The following GSE1 variants were observed in gnomAD, a reference collection of about 807,000 sequenced individuals.
GSE1 encodes genetic suppressor element 1.
Under a neutral mutation model 112.6 loss-of-function variants are expected in GSE1, and 32 were observed. The observed-to-expected ratio is 0.28, with a 90% CI of 0.21 to 0.38. The LOEUF (loss-of-function observed/expected upper bound fraction) is 0.38. Among genes scored for constraint, GSE1 ranks in the 10% least tolerant of loss-of-function variants. The pLI, the probability that GSE1 is intolerant of heterozygous loss-of-function variation, is 1.00. For synonymous variants in GSE1, 1,115 were observed against 735.6 expected (o/e 1.52, Z -8.35); for missense variants, 2,348 against 1,699.2 (o/e 1.38, Z -6.71).
At chr16:85,362,923 C>T (rs1485161261) in intron 2 of GSE1, among the ~76,000 whole-genome samples, 1 of 148,484 alleles carries the variant, frequency 6.7e-6, no homozygotes, top group African/African-American at 2.5e-5. Context: ...GCAAACTCTG[C>T]CTCCCAGGCT....
chr16:85,401,482 C>A (rs2048114527), intron 2 of GSE1, among the ~76,000 whole-genome samples: 2 of 152,104 alleles, frequency 1.3e-5, no homozygotes, highest in Non-Finnish European at 2.9e-5. Flanking sequence ...CAGTTGCTTC[C>A]CTTGGGGCAC....
At chr16:85,646,297 C>A (rs2050866583) in intron 2 of GSE1, among the ~76,000 whole-genome samples, 1 of 152,276 alleles carries the variant, frequency 6.6e-6, no homozygotes, top group Non-Finnish European at 1.5e-5. Flanking sequence ...AGGTGCCTCC[C>A]AAGTGGGGCT....
At chr16:85,209,769 C>G (rs117074544) in intron 1 of GSE1, among the ~76,000 whole-genome samples, 1 of 152,206 alleles carries the variant, frequency 6.6e-6, no homozygotes, top group Non-Finnish European at 1.5e-5. Context: ...TGGGCCTGCC[C>G]TGGTGATCCA....
At chr16:85,657,815 C>A (rs2052096472) in intron 8 of GSE1, among the ~76,000 whole-genome samples, 1 of 152,184 alleles carries the variant, frequency 6.6e-6, no homozygotes, top group Non-Finnish European at 1.5e-5. Flanking sequence ...AAGGTATCCC[C>A]ACCAGTAAGT....
At chr16:85,551,238 A>G (rs549379353), upstream of GSE1, among the ~76,000 whole-genome samples, 1 of 152,270 alleles carries the variant, frequency 6.6e-6, no homozygotes, top group East Asian at 1.9e-4. Flanking sequence ...GTGGGTGGAG[A>G]GAGACAGAGA....
intron 1 of GSE1, among the ~76,000 whole-genome samples, chr16:85,322,937 CTG>C (rs1413197110): frequency 2.0e-5 from 3 of 152,146 alleles, no homozygotes; most frequent in Admixed American, 2.0e-4. Context: ...TTTGAGGAAA[CTG>C]AGGCTCAGAC....
At chr16:85,300,264 G>A (rs1030077062) in intron 1 of GSE1, among the ~76,000 whole-genome samples, 4 of 152,006 alleles carry the variant, frequency 2.6e-5, no homozygotes, top group Admixed American at 1.3e-4. Context: ...GTCCCACCTC[G>A]GCCTCCCAAA....
At chr16:85,616,003 C>G (rs149288522) in intron 1 of GSE1, among the ~76,000 whole-genome samples, 1 of 152,258 alleles carries the variant, frequency 6.6e-6, no homozygotes, top group Non-Finnish European at 1.5e-5. Context: ...CAGTCACTTC[C>G]CTGTCTCTGG....
intron 1 of GSE1, among the ~76,000 whole-genome samples, chr16:85,334,500 T>C (rs1385516052): frequency 6.6e-6 from 1 of 152,202 alleles, no homozygotes; most frequent in African/African-American, 2.4e-5. Flanking sequence ...GTTTCCTCTC[T>C]CCTGTCTGTC....
chr16:85,500,365 G>T (rs554057140), intron 2 of GSE1, among the ~76,000 whole-genome samples: 1 of 152,194 alleles, frequency 6.6e-6, no homozygotes, highest in Admixed American at 6.5e-5. Context: ...AATCAATTAC[G>T]TGTGGTCTTG....
At position 85,657,326 on chromosome 16, in the gene GSE1, C is replaced by T. The variant is rs557669041; in HGVS notation, c.1362C>T (p.Pro454=). 3 of 1,606,142 alleles carry T rather than the reference C, an allele frequency of 1.9e-6. No homozygotes were observed. The highest frequency in any genetic ancestry group is 2.2e-5 in the East Asian group (1 of 44,482). ...GLQAPKPVQH[P]LHPVPTPHHT... ...AGGCGCCCAAGCCCGTCCAACACCC[C>T]TTGCATCCGGTGCCCACCCCACACC... is the stretch of plus-strand genomic sequence containing the variant. The change falls in exon 8 of 16, where the codon CCC becomes CCT. Residue 454 remains proline (P), a synonymous_variant. Coordinates refer to ENST00000253458, the MANE Select transcript of GSE1 (RefSeq NM_014615.5).
chr16:85,187,128 C>T (rs978969268), intron 1 of GSE1, among the ~76,000 whole-genome samples: 5 of 152,346 alleles, frequency 3.3e-5, no homozygotes, highest in Admixed American at 6.5e-5. Flanking sequence ...GGTCTGGAGC[C>T]GGCCAGTGGG....
intron 1 of GSE1, among the ~76,000 whole-genome samples, chr16:85,286,760 T>C (rs998827758): frequency 6.6e-6 from 1 of 152,066 alleles, no homozygotes; most frequent in Non-Finnish European, 1.5e-5. Context: ...ACATCTGCTC[T>C]GGTATCACTT....
At chr16:85,228,697 C>T (rs114316976) in intron 1 of GSE1, among the ~76,000 whole-genome samples, 1,915 of 152,256 alleles carry the variant, frequency 0.013, 42 homozygotes, top group African/African-American at 0.044. Context: ...CAGGCACAGA[C>T]GGGCCAGAGA....
chr16:85,537,075 G>A (rs2044355577), intron 2 of GSE1, among the ~76,000 whole-genome samples: 1 of 152,248 alleles, frequency 6.6e-6, no homozygotes. Flanking sequence ...AGGCTCCAGT[G>A]AAGCCGAGAT....
At chr16:85,420,559 T>C (rs1200987807) in intron 2 of GSE1, among the ~76,000 whole-genome samples, 1 of 152,164 alleles carries the variant, frequency 6.6e-6, no homozygotes, top group Non-Finnish European at 1.5e-5. Flanking sequence ...AGGGCCCATG[T>C]GCCTCCTTTG....
intron 1 of GSE1, among the ~76,000 whole-genome samples, chr16:85,618,853 G>A (rs1448686806): frequency 1.3e-5 from 2 of 152,208 alleles, no homozygotes; most frequent in Non-Finnish European, 2.9e-5. Flanking sequence ...GTGGAGACAG[G>A]GTCTCTCACT....
At chr16:85,563,325 G>C (rs1437923932) in intron 1 of GSE1, among the ~76,000 whole-genome samples, 1 of 152,100 alleles carries the variant, frequency 6.6e-6, no homozygotes, top group Non-Finnish European at 1.5e-5. Flanking sequence ...TGCTGTGAAA[G>C]CTTGGGGTAA....
chr16:85,431,750 T>C (rs954616755), intron 2 of GSE1, among the ~76,000 whole-genome samples: 1 of 152,172 alleles, frequency 6.6e-6, no homozygotes, highest in Non-Finnish European at 1.5e-5. Context: ...CCAGAGGGTA[T>C]CTGGGCCGCC....
Sources: gnomAD v4.1 joint callset for allele counts (sites outside exome capture counted in the v4.1 genomes callset) on GRCh38, gnomAD v4.1.1 for gene constraint, MANE v1.5 for transcripts, NCBI Gene and HGNC (gene_info 2026-07-23, HGNC 2026-07-21) for gene names.